Variants in GNB4 observed in about 807,000 individuals in gnomAD.
GNB4 encodes G protein subunit beta 4, also known as guanine nucleotide-binding protein subunit beta-4.
In GNB4, 28 loss-of-function variants were observed where a neutral mutation model predicts 45.2. That is an observed-to-expected ratio of 0.62 (90% CI 0.46 to 0.85). GNB4 has a LOEUF of 0.85. Among genes scored for constraint, GNB4 ranks in the 40% least tolerant of loss-of-function variants. GNB4 has a pLI of 0.00. For missense variants in GNB4, 321 were observed against 425.4 expected, an observed-to-expected ratio of 0.75 and a Z score of 2.16; for synonymous variants, 132 against 143.7, an observed-to-expected ratio of 0.92 and a Z score of 0.58.
chr3:179,451,536 G>C (rs1297333922), upstream of GNB4: 1 of 150,352 alleles, frequency 6.7e-6, no homozygotes, highest in Non-Finnish European at 1.5e-5. Flanking sequence ...GGACGTGGCT[G>C]GAGGCGCGAG....
the GNB4 span, among the ~76,000 whole-genome samples, chr3:179,505,456 T>A: frequency 6.6e-6 from 1 of 152,200 alleles, no homozygotes; most frequent in Non-Finnish European, 1.5e-5. Flanking sequence ...AACATTCATG[T>A]AGATTTGAAA....
chr3:179,431,563 A>C (rs553550941), intron 1 of GNB4, among the ~76,000 whole-genome samples: 1 of 151,734 alleles, frequency 6.6e-6, no homozygotes. Context: ...GTCTCAAAAA[A>C]AAAAAAAAAA....
the GNB4 span, among the ~76,000 whole-genome samples, chr3:179,511,555 G>A: frequency 1.4e-4 from 22 of 152,238 alleles, no homozygotes; most frequent in African/African-American, 5.3e-4. Flanking sequence ...GCCTGGGTTC[G>A]TATCTTAGCT....
At chr3:179,488,658 G>A in the GNB4 span, among the ~76,000 whole-genome samples, 56 of 152,106 alleles carry the variant, frequency 3.7e-4, no homozygotes, top group African/African-American at 1.3e-3. Context: ...TATAAGAGGT[G>A]ATTACTTTAT....
intron 9 of GNB4, among the ~76,000 whole-genome samples, chr3:179,404,419 T>C (rs1191076449): frequency 2.6e-5 from 4 of 152,088 alleles, no homozygotes; most frequent in Non-Finnish European, 2.9e-5. Flanking sequence ...TTTAGAGATA[T>C]GTAAGTAAGC....
At chr3:179,514,391 G>A in the GNB4 span, among the ~76,000 whole-genome samples, 20 of 152,190 alleles carry the variant, frequency 1.3e-4, no homozygotes, top group Non-Finnish European at 1.8e-4. Context: ...AGCATGGTGG[G>A]AAGTTGCCTT....
chr3:179,517,617 A>G, the GNB4 span, among the ~76,000 whole-genome samples: 55 of 152,270 alleles, frequency 3.6e-4, no homozygotes, highest in African/African-American at 1.1e-3. Context: ...CATCTCACCA[A>G]TTTTAAATTG....
chr3:179,514,093 T>G, the GNB4 span, among the ~76,000 whole-genome samples: 1 of 152,052 alleles, frequency 6.6e-6, no homozygotes, highest in East Asian at 1.9e-4. Context: ...CATAGCAGAG[T>G]TGAGGCATGA....
upstream of GNB4, chr3:179,451,558 G>T (rs571771627): frequency 6.6e-6 from 1 of 150,418 alleles, no homozygotes; most frequent in African/African-American, 2.4e-5. Flanking sequence ...CGCGAGGCAC[G>T]AGGCGCGCGG....
intron 1 of GNB4, among the ~76,000 whole-genome samples, chr3:179,429,436 G>C (rs1036289841): frequency 6.6e-6 from 1 of 152,200 alleles, no homozygotes; most frequent in African/African-American, 2.4e-5. Flanking sequence ...AACAGTAACA[G>C]ACTCATTTAT....
At chr3:179,461,371 C>A in the GNB4 span, among the ~76,000 whole-genome samples, 1 of 152,086 alleles carries the variant, frequency 6.6e-6, no homozygotes, top group East Asian at 1.9e-4. Flanking sequence ...GTAGCGGGCA[C>A]TTGTAGTCCC....
chr3:179,485,096 C>T, the GNB4 span, among the ~76,000 whole-genome samples: 5 of 150,116 alleles, frequency 3.3e-5, no homozygotes, highest in East Asian at 5.9e-4. Context: ...CTGCAAGCTC[C>T]GCCTCCCAGG....
In GNB4 at chr3:179,441,528, G is replaced by A. The variant is rs539155092; in HGVS notation, c.-43+9818C>T. Among the ~76,000 whole-genome samples, 432 of 152,210 alleles carry A rather than the reference G, an allele frequency of 2.8e-3. 5 individuals are homozygous for A. Among genetic ancestry groups the A allele is most frequent in the African/African-American group, 0.01 (424 of 41,546 alleles). ...GCAGGTGGACCACCTGAGGTCAGGAGTTCAAGACCAGCCTGGCCAACATGG... is the reference window on the plus strand; with the variant it reads ...GCAGGTGGACCACCTGAGGTCAGGAATTCAAGACCAGCCTGGCCAACATGG... On this transcript the variant is annotated intron_variant, in intron 1 of 9. Coordinates refer to ENST00000232564, the MANE Select transcript of GNB4 (RefSeq NM_021629.4).
intron 4 of GNB4, 117 bp from the exon 5 acceptor site, chr3:179,416,673 C>A (rs1043955953): frequency 1.9e-6 from 1 of 532,316 alleles, no homozygotes; most frequent in African/African-American, 2.0e-5. Flanking sequence ...CAACTAAAAA[C>A]TTGATACCAA....
intron 8 of GNB4, chr3:179,405,893 T>G (rs1173104025): frequency 1.3e-5 from 2 of 152,300 alleles, no homozygotes; most frequent in Non-Finnish European, 2.9e-5. Flanking sequence ...ATGGTGCAAT[T>G]TACAATATAC....
the GNB4 span, among the ~76,000 whole-genome samples, chr3:179,488,793 G>C: frequency 3.3e-5 from 5 of 150,810 alleles, no homozygotes; most frequent in African/African-American, 1.2e-4. Flanking sequence ...GACCAGCCTG[G>C]GCAATATGGT....
At chr3:179,464,420 T>C in the GNB4 span, 1 of 1,455,146 alleles carries the variant, frequency 6.9e-7, no homozygotes, top group Non-Finnish European at 9.6e-7. Flanking sequence ...CCCTCTGCCC[T>C]CGCCCCTTCC....
intron 1 of GNB4, among the ~76,000 whole-genome samples, chr3:179,428,458 C>T (rs535746204): frequency 1.1e-4 from 16 of 152,252 alleles, no homozygotes; most frequent in Admixed American, 3.9e-4. Flanking sequence ...TCTTTAAAGC[C>T]GCAACCTTAG....
At chr3:179,444,173 C>A (rs1246387842) in intron 1 of GNB4, among the ~76,000 whole-genome samples, 1 of 152,086 alleles carries the variant, frequency 6.6e-6, no homozygotes, top group Non-Finnish European at 1.5e-5. Context: ...ACATACTAAC[C>A]TATCTCTATT....
Sources: allele counts gnomAD v4.1 joint callset (sites outside exome capture counted in the v4.1 genomes callset), GRCh38; gene constraint gnomAD v4.1.1; transcripts MANE v1.5; gene names NCBI Gene and HGNC (gene_info 2026-07-23, HGNC 2026-07-21).